Variants in SPINDOC observed in about 807,000 individuals in gnomAD.
The protein encoded by SPINDOC is spindlin interactor and repressor of chromatin-binding protein.
In SPINDOC, 13 loss-of-function variants were observed where a neutral mutation model predicts 30.7. The observed-to-expected ratio is 0.42, with a 90% CI of 0.28 to 0.67. The LOEUF is 0.67. Ranked by LOEUF, SPINDOC falls within the 30% of genes least tolerant of loss-of-function variation. SPINDOC has a pLI of 0.22. For missense variants in SPINDOC, 438 were observed against 518.0 expected (o/e 0.85, Z 1.50); for synonymous variants, 228 against 211.4 (o/e 1.08, Z -0.68).
intron 5 of SPINDOC, among the ~76,000 whole-genome samples, chr11:63,820,398 CAAA>C (rs201624522): frequency 1.3e-4 from 7 of 53,846 alleles, no homozygotes; most frequent in Admixed American, 4.1e-4. Context: ...ACTCTGTCTC[CAAA>C]AAAAAAAAAA....
chr11:63,814,652 T>C (rs922690450), intron 1 of SPINDOC, among the ~76,000 whole-genome samples: 1 of 152,114 alleles, frequency 6.6e-6, no homozygotes, highest in African/African-American at 2.4e-5. Context: ...CCAAAAGAGG[T>C]TGAGAGCAGC....
intron 1 of SPINDOC, among the ~76,000 whole-genome samples, chr11:63,817,461 T>G (rs2015371980): frequency 6.6e-6 from 1 of 152,168 alleles, no homozygotes; most frequent in Admixed American, 6.5e-5. Context: ...CTGGAAAGCT[T>G]CGCAGGGATG....
At chr11:63,823,436 CTGATGAA>C in intron 5 of SPINDOC, 1 of 778,612 alleles carries the variant, frequency 1.3e-6, no homozygotes, top group Non-Finnish European at 1.7e-6. Context: ...GTTAGCTGAG[CTGATGAA>C]TGTGAATGTG....
chr11:63,826,443 C>T (rs73492273), intron 5 of SPINDOC, among the ~76,000 whole-genome samples: 14 of 152,140 alleles, frequency 9.2e-5, no homozygotes, highest in Non-Finnish European at 1.5e-4. Flanking sequence ...GGTGGAAGTT[C>T]GCCAGGGGTC....
chr11:63,827,321 C>A lies in SPINDOC; in HGVS notation c.*182C>A. 1.7e-6 allele frequency: 2 copies of A among 1,192,636 alleles called. No individual in the cohort carries two copies. The highest frequency in any genetic ancestry group is 2.3e-6 in the Non-Finnish European group (2 of 866,890). 73.9% of individuals were successfully genotyped at this position (1,192,636 alleles called of 1,614,324 possible). A position where few individuals can be genotyped will look rare whatever the true frequency, so the allele number is the denominator to read the frequency against. ...TGGAAAGTGTCTGTTCCTGGCCAGG[C>A]CTGAGGTCGGCGAGGGTGGCTGAGG... On this transcript the variant is annotated 3_prime_UTR_variant, in exon 6 of 6. Coordinates refer to ENST00000294244, the MANE Select transcript of SPINDOC (RefSeq NM_138471.3).
chr11:63,817,895 G>A lies in SPINDOC; in HGVS notation c.218G>A (p.Trp73Ter). Residue 73 changes from tryptophan (W) to a stop codon, truncating the protein, a stop_gained, in exon 2 of 6, where the codon TGG becomes TAG. Transcript: ENST00000294244. LOFTEE classifies it high-confidence loss of function. Reference protein sequence around the residue: ...GCEEPKQQVSWEQEFLVGSSP... With the variant: ...GCEEPKQQVS The stretch of plus-strand genomic sequence containing the variant: ...GAGGAGCCGAAGCAGCAGGTGTCTT[G>A]GGAGCAGGAGTTCCTGGTGGGCAGC... 6.2e-7 allele frequency: 1 copy of A among 1,613,724 alleles called. No homozygotes were observed.
At chr11:63,819,416 G>A (rs2015448287) in intron 5 of SPINDOC, among the ~76,000 whole-genome samples, 1 of 151,148 alleles carries the variant, frequency 6.6e-6, no homozygotes. Context: ...TTCCCATGTT[G>A]GCCAGGTTGG....
intron 5 of SPINDOC, among the ~76,000 whole-genome samples, chr11:63,826,332 C>G (rs187190508): frequency 6.6e-6 from 1 of 152,134 alleles, no homozygotes; most frequent in Non-Finnish European, 1.5e-5. Flanking sequence ...TCCTCTGCCT[C>G]GAGGCCCAGC....
In SPINDOC at chr11:63,818,418, A is replaced by G; in HGVS notation, c.607+53A>G. The G allele has an allele frequency of 1.2e-6, 2 of 1,608,314 alleles. No individual in the cohort carries two copies. Among genetic ancestry groups the G allele is most frequent in the Admixed American group, 1.7e-5 (1 of 59,664 alleles). ...CCGGTGGAGGTGGGGGTTTGGGGAC[A>G]GGGTGAAATACAGGCCCTGTGTTCT... is the stretch of plus-strand genomic sequence containing the variant. On this transcript the variant is annotated intron_variant, in intron 3 of 5. Transcript: ENST00000294244. This position sits in a 1 kb window ranked among gnomAD's most constrained non-coding sequence, Gnocchi z 5.3.
chr11:63,817,945 C>T lies in SPINDOC; in HGVS notation c.268C>T (p.Leu90=), dbSNP rs1381917003. Residue 90 remains leucine (L), a synonymous_variant, in exon 2 of 6, where the codon CTG becomes TTG. Coordinates refer to ENST00000294244, the MANE Select transcript of SPINDOC (RefSeq NM_138471.3). ...CAGCCCAGGAGGCAGCGGGCGGGCACTGTGCATGGTGTGTGGCGCTGAGAT... is the reference window on the plus strand; with the variant it reads ...CAGCCCAGGAGGCAGCGGGCGGGCATTGTGCATGGTGTGTGGCGCTGAGAT... ...GSSPGGSGRA[L]CMVCGAEIRA... 1 of 1,614,118 alleles carries T rather than the reference C, an allele frequency of 6.2e-7. No homozygotes were observed. Among genetic ancestry groups the T allele is most frequent in the South Asian group, 1.1e-5 (1 of 91,078 alleles).
At chr11:63,824,901 C>T (rs2015615111) in intron 5 of SPINDOC, among the ~76,000 whole-genome samples, 2 of 152,192 alleles carry the variant, frequency 1.3e-5, no homozygotes. Flanking sequence ...TGTGACCACA[C>T]CCACACAGTC....
rs2015685374 is a variant in SPINDOC at position 63,827,533 on chromosome 11, G to A, written c.*394G>A. On this transcript the variant is annotated 3_prime_UTR_variant, in exon 6 of 6. Transcript: ENST00000294244. Reference sequence around the variant, plus strand: ...TGAACTGAGTCCCACTACCTCGGGGGACACCTCTCCTCCCCACTTGTTCAG... The same window carrying A: ...TGAACTGAGTCCCACTACCTCGGGGAACACCTCTCCTCCCCACTTGTTCAG... 1 of 245,182 alleles carries A rather than the reference G, an allele frequency of 4.1e-6. No homozygotes were observed. Among genetic ancestry groups the A allele is most frequent in the South Asian group, 6.4e-5 (1 of 15,560 alleles). The allele number at this position is 245,182 out of a possible 1,614,324, so 15.2% of individuals were successfully genotyped here. A position where few individuals can be genotyped will look rare whatever the true frequency, so the allele number is the denominator to read the frequency against.
intron 5 of SPINDOC, among the ~76,000 whole-genome samples, chr11:63,823,670 A>G (rs1207695637): frequency 6.6e-6 from 1 of 151,910 alleles, no homozygotes; most frequent in Non-Finnish European, 1.5e-5. Context: ...ATCTTGGCTC[A>G]CTGCAAGCTC....
chr11:63,817,336 ACT>A (rs1565074837), intron 1 of SPINDOC, among the ~76,000 whole-genome samples: 2 of 152,268 alleles, frequency 1.3e-5, no homozygotes, highest in Middle Eastern at 3.4e-3. Context: ...ACAAAGTGAG[ACT>A]CTGTCTCAAA....
At position 63,818,493 on chromosome 11, in the gene SPINDOC, C is replaced by G; in HGVS notation, c.608-34C>G. 6.2e-7 allele frequency: 1 copy of G among 1,607,870 alleles called. No individual in the cohort carries two copies. Among genetic ancestry groups the G allele is most frequent in the Non-Finnish European group, 8.5e-7 (1 of 1,179,288 alleles). The stretch of plus-strand genomic sequence containing the variant: ...GGGTGGCAGGGTTCGGGGATGGCCT[C>G]TTTAAAAGGGTATGAGGTCTTTTCT... On this transcript the variant is annotated intron_variant, in intron 3 of 5. Coordinates refer to ENST00000294244, the MANE Select transcript of SPINDOC (RefSeq NM_138471.3). This position sits in a 1 kb window ranked among gnomAD's most constrained non-coding sequence, Gnocchi z 5.3.
intron 1 of SPINDOC, among the ~76,000 whole-genome samples, chr11:63,815,786 A>G (rs1033661025): frequency 4.2e-5 from 6 of 141,908 alleles, no homozygotes; most frequent in African/African-American, 1.6e-4. Flanking sequence ...TTTTTTTTTG[A>G]GACGGAGTTT....
At chr11:63,815,883 T>A (rs1482837101) in intron 1 of SPINDOC, among the ~76,000 whole-genome samples, 1 of 152,062 alleles carries the variant, frequency 6.6e-6, no homozygotes, top group Non-Finnish European at 1.5e-5. Context: ...TTCTTCTGCC[T>A]CAACCTCCCG....
At chr11:63,816,544 C>T (rs954577811) in intron 1 of SPINDOC, among the ~76,000 whole-genome samples, 3 of 152,130 alleles carry the variant, frequency 2.0e-5, no homozygotes, top group Non-Finnish European at 4.4e-5. Context: ...TGTATCCATG[C>T]AAGCCGAGGC....
At position 63,818,758 on chromosome 11, in the gene SPINDOC, C is replaced by T; in HGVS notation, c.734-44C>T. The T allele has an allele frequency of 6.2e-7, 1 of 1,612,712 alleles. No homozygotes were observed. The highest frequency in any genetic ancestry group is 8.5e-7 in the Non-Finnish European group (1 of 1,179,704). On this transcript the variant is annotated intron_variant, in intron 4 of 5. Transcript: ENST00000294244. This position sits in a 1 kb window ranked among gnomAD's most constrained non-coding sequence, Gnocchi z 5.3. ...CCTGGGCGCAGGGCGCCTGCAGCTCCTGAGGCTTTTTCACTCACAGTTCCA... is the reference window on the plus strand; with the variant it reads ...CCTGGGCGCAGGGCGCCTGCAGCTCTTGAGGCTTTTTCACTCACAGTTCCA...
Sources: gnomAD v4.1 joint callset for allele counts (sites outside exome capture counted in the v4.1 genomes callset) on GRCh38, gnomAD v4.1.1 for gene constraint, Gnocchi (gnomAD v3.1) non-coding constraint, MANE v1.5 for transcripts, NCBI Gene and HGNC (gene_info 2026-07-23, HGNC 2026-07-21) for gene names.